Variants in CYFIP1 observed in about 807,000 individuals in gnomAD.
The protein encoded by CYFIP1 is cytoplasmic FMR1 interacting protein 1.
A neutral mutation model predicts 163.5 loss-of-function variants in CYFIP1; 58 were observed. The observed-to-expected ratio is 0.35, with a 90% CI of 0.29 to 0.44. The LOEUF (loss-of-function observed/expected upper bound fraction) is 0.44, where lower values mean the gene tolerates loss of function less well. Ranked by LOEUF, CYFIP1 falls within the 20% of genes least tolerant of loss-of-function variation. The probability of loss-of-function intolerance (pLI) is 1.00; values close to 1 mark genes in which losing one functional copy is unlikely to be tolerated. For missense variants in CYFIP1, 1,338 were observed against 1,653.8 expected (o/e 0.81, Z 3.31); for synonymous variants, 663 against 660.7 (o/e 1.00, Z -0.05).
intron 1 of CYFIP1, 137 bp downstream of exon 1, chr15:22,980,146 CGGGG>C (rs1567061866): frequency 3.9e-4 from 26 of 67,154 alleles, no homozygotes; most frequent in African/African-American, 1.3e-3. Flanking sequence ...GCCGCGCCGC[CGGGG>C]AGGCCGCGCC....
rs567493441 is a variant in CYFIP1, at chr15:22,908,652, C to T, written c.2388+542G>A. On this transcript the variant is annotated intron_variant, in intron 21 of 30. Transcript: ENST00000617928. ...CAAGCGATTCTCCTGCCTCAGCTTCCGGAGTAGCTCGGACTACAGGTGCCT... is the reference window on the plus strand; with the variant it reads ...CAAGCGATTCTCCTGCCTCAGCTTCTGGAGTAGCTCGGACTACAGGTGCCT... Among the ~76,000 whole-genome samples the T allele has an allele frequency of 1.5e-4, 23 of 148,928 alleles. No homozygotes were observed. The East Asian group carries it at 3.6e-3, about 23-fold the overall frequency.
intron 13 of CYFIP1, among the ~76,000 whole-genome samples, chr15:22,922,773 C>T (rs2061229050): frequency 6.6e-6 from 1 of 152,160 alleles, no homozygotes; most frequent in African/African-American, 2.4e-5. Flanking sequence ...GGGTAGATCA[C>T]CTGAGGTGAG....
At chr15:22,947,776 G>A (rs945981478) in intron 1 of CYFIP1, 3 of 236,148 alleles carry the variant, frequency 1.3e-5, no homozygotes, top group African/African-American at 2.3e-5. Flanking sequence ...GCGCCCTGCC[G>A]CCCAACACCA....
At chr15:22,958,258 G>T (rs1251566139) in intron 1 of CYFIP1, among the ~76,000 whole-genome samples, 1 of 152,012 alleles carries the variant, frequency 6.6e-6, no homozygotes, top group Non-Finnish European at 1.5e-5. Context: ...GCTAATTTTT[G>T]TATTTCTAAT....
intron 18 of CYFIP1, among the ~76,000 whole-genome samples, chr15:22,911,783 C>T (rs2060795838): frequency 6.6e-6 from 1 of 152,176 alleles, no homozygotes; most frequent in Non-Finnish European, 1.5e-5. Context: ...ATACACTAAC[C>T]TGAGAATTCC....
At chr15:22,916,656 G>A in intron 15 of CYFIP1, 26 bp from the exon 16 acceptor site, 1 of 1,614,088 alleles carries the variant, frequency 6.2e-7, no homozygotes, top group East Asian at 2.2e-5. Context: ...AAACATTTGT[G>A]GGGGAGAAAA....
chr15:22,939,821 C>T (rs1028540697), intron 6 of CYFIP1, among the ~76,000 whole-genome samples: 1 of 152,120 alleles, frequency 6.6e-6, no homozygotes, highest in Non-Finnish European at 1.5e-5. Flanking sequence ...GGTGGACGCC[C>T]ACCTCATCTA....
intron 21 of CYFIP1, among the ~76,000 whole-genome samples, chr15:22,906,323 G>C (rs2060579328): frequency 6.6e-6 from 1 of 151,246 alleles, no homozygotes; most frequent in Non-Finnish European, 1.5e-5. Context: ...GGCCAGCCTG[G>C]TCTTGAACTC....
intron 29 of CYFIP1, 66 bp from the exon 30 acceptor site, chr15:22,873,038 G>C: frequency 6.4e-7 from 1 of 1,555,630 alleles, no homozygotes; most frequent in African/African-American, 1.4e-5. Context: ...TTCTCAGTCT[G>C]TCTCCAGATG....
intron 23 of CYFIP1, among the ~76,000 whole-genome samples, chr15:22,890,618 T>C (rs770363889): frequency 5.3e-5 from 8 of 151,832 alleles, no homozygotes; most frequent in Non-Finnish European, 1.2e-4. Context: ...CCACAGCCAT[T>C]AGGAGTTGCT....
intron 22 of CYFIP1, among the ~76,000 whole-genome samples, chr15:22,899,900 T>C (rs2060341491): frequency 6.6e-6 from 1 of 151,998 alleles, no homozygotes; most frequent in Admixed American, 6.6e-5. Flanking sequence ...ATACAAAAAT[T>C]AGCCGGGCAT....
intron 1 of CYFIP1, among the ~76,000 whole-genome samples, chr15:22,956,657 G>A (rs1348152801): frequency 1.3e-5 from 2 of 152,118 alleles, no homozygotes; most frequent in Non-Finnish European, 2.9e-5. Context: ...AGGTGGCCAG[G>A]AAGGGTGGGG....
At chr15:22,955,755 G>C (rs1296183287) in intron 1 of CYFIP1, among the ~76,000 whole-genome samples, 1 of 152,182 alleles carries the variant, frequency 6.6e-6, no homozygotes, top group Non-Finnish European at 1.5e-5. Context: ...CAGGGCATCA[G>C]CCAGTGCCTC....
chr15:22,977,250 T>G (rs1443872889), intron 1 of CYFIP1, among the ~76,000 whole-genome samples: 2 of 152,116 alleles, frequency 1.3e-5, no homozygotes, highest in Non-Finnish European at 2.9e-5. Flanking sequence ...ACTTTGTATC[T>G]TGTGACCTTG....
chr15:22,951,079 C>T (rs1275854690), intron 1 of CYFIP1, among the ~76,000 whole-genome samples: 2 of 152,172 alleles, frequency 1.3e-5, no homozygotes, highest in Non-Finnish European at 2.9e-5. Context: ...GGCATCCACG[C>T]GGGGTGTTGG....
At chr15:22,966,314 G>A (rs955560686) in intron 1 of CYFIP1, among the ~76,000 whole-genome samples, 8 of 151,454 alleles carry the variant, frequency 5.3e-5, no homozygotes, top group Admixed American at 2.0e-4. Context: ...CAGAGGTTGC[G>A]GTGGGCCCAG....
At chr15:22,980,796 C>T (rs920418189), upstream of CYFIP1, among the ~76,000 whole-genome samples, 12 of 152,088 alleles carry the variant, frequency 7.9e-5, no homozygotes, top group African/African-American at 2.4e-4. Flanking sequence ...AGGCGCTCAC[C>T]TGCGCTCGTC....
chr15:22,929,862 G>A (rs944545410), intron 11 of CYFIP1, among the ~76,000 whole-genome samples: 1 of 151,160 alleles, frequency 6.6e-6, no homozygotes, highest in African/African-American at 2.4e-5. Context: ...CGTGAACCTG[G>A]GAGGCGGAGC....
At chr15:22,923,727 G>A (rs1172557009) in intron 13 of CYFIP1, among the ~76,000 whole-genome samples, 2 of 152,000 alleles carry the variant, frequency 1.3e-5, no homozygotes, top group Non-Finnish European at 2.9e-5. Flanking sequence ...AGGATCACTT[G>A]AGCTCAGGAG....
Sources: allele counts gnomAD v4.1 joint callset (sites outside exome capture counted in the v4.1 genomes callset), GRCh38; gene constraint gnomAD v4.1.1; transcripts MANE v1.5; gene names NCBI Gene and HGNC (gene_info 2026-07-23, HGNC 2026-07-21).